DNAH14: variants seen among roughly 807,000 people sequenced by gnomAD.
The protein encoded by DNAH14 is dynein axonemal heavy chain 14.
Under a neutral mutation model 520.9 loss-of-function variants are expected in DNAH14, and 478 were observed. The observed-to-expected ratio is 0.92, with a 90% CI of 0.85 to 0.99. The LOEUF is 0.99. Ranked by LOEUF, DNAH14 falls within the 50% of genes least tolerant of loss-of-function variation. The pLI, the probability that DNAH14 is intolerant of heterozygous loss-of-function variation, is 0.00. For synonymous variants in DNAH14, 1,581 were observed against 1,757.2 expected (o/e 0.90, Z 2.51); for missense variants, 4,831 against 5,234.5 (o/e 0.92, Z 2.38).
At position 225,092,649 on chromosome 1, in the gene DNAH14, C is replaced by T. The variant is rs563118812; in HGVS notation, c.3574-4469C>T. On this transcript the variant is annotated intron_variant, in intron 21 of 85. Coordinates refer to ENST00000682510, the MANE Select transcript of DNAH14 (RefSeq NM_001367479.1). ...AAACAAGAGCAAACCAACCCCAAAG[C>T]GAGGAGAAGATAATAAATAACCAAA... Among the ~76,000 whole-genome samples the T allele has an allele frequency of 4.6e-5, 7 of 151,834 alleles. No homozygotes were observed. The South Asian group carries it at 8.3e-4, about 18-fold the overall frequency.
chr1:225,380,378 C>CT lies in DNAH14; in HGVS notation c.12880+57dup, dbSNP rs1417071679. On this transcript the variant is annotated intron_variant, in intron 80 of 85. Coordinates refer to ENST00000682510, the MANE Select transcript of DNAH14 (RefSeq NM_001367479.1). ...ACCTCACTCTCCTCAAGAAAGGACT[C>CT]TGGTGTCAGGAGTAAGGTAAAGATA... is the stretch of plus-strand genomic sequence containing the variant. 6 of 1,488,890 alleles carry CT rather than the reference C, an allele frequency of 4.0e-6. No individual in the cohort carries two copies. The Admixed American group carries it at 1.5e-4, about 37-fold the overall frequency. The allele number at this position is 1,488,890 out of a possible 1,614,324, so 92.2% of individuals were successfully genotyped here.
chr1:225,017,686 C>A (rs930065356), intron 10 of DNAH14, among the ~76,000 whole-genome samples: 1 of 152,256 alleles, frequency 6.6e-6, no homozygotes, highest in African/African-American at 2.4e-5. Context: ...TGCCTGCAGT[C>A]TGGGAGCACC....
intron 41 of DNAH14, among the ~76,000 whole-genome samples, chr1:225,214,758 C>G (rs1025656857): frequency 3.3e-5 from 5 of 152,134 alleles, no homozygotes; most frequent in Non-Finnish European, 5.9e-5. Context: ...GTGATATCCC[C>G]TTTGTCATTT....
intron 23 of DNAH14, among the ~76,000 whole-genome samples, chr1:225,112,546 C>T (rs1374487008): frequency 6.6e-6 from 1 of 152,098 alleles, no homozygotes; most frequent in Non-Finnish European, 1.5e-5. Flanking sequence ...TTATTCATTT[C>T]AACCCCTGTC....
At chr1:225,069,320 C>A (rs887377869) in intron 17 of DNAH14, among the ~76,000 whole-genome samples, 2 of 152,160 alleles carry the variant, frequency 1.3e-5, no homozygotes, top group Admixed American at 1.3e-4. Flanking sequence ...TTTGCCCATT[C>A]AGTATAATGT....
At chr1:225,067,627 G>A (rs1465761367) in intron 17 of DNAH14, among the ~76,000 whole-genome samples, 1 of 151,904 alleles carries the variant, frequency 6.6e-6, no homozygotes, top group South Asian at 2.1e-4. Flanking sequence ...CACCAGCATC[G>A]GTTATTTTTT....
chr1:225,180,083 G>T (rs894729179), intron 36 of DNAH14, among the ~76,000 whole-genome samples: 5 of 152,054 alleles, frequency 3.3e-5, no homozygotes, highest in African/African-American at 1.2e-4. Flanking sequence ...ATGCCTTGGG[G>T]TAGTCTTATT....
At chr1:225,358,317 G>A (rs761291534) in intron 73 of DNAH14, among the ~76,000 whole-genome samples, 179 bp from the exon 74 acceptor site, 3 of 152,196 alleles carry the variant, frequency 2.0e-5, no homozygotes, top group Non-Finnish European at 4.4e-5. Flanking sequence ...GATGGCCACA[G>A]GAACATGGTG....
chr1:225,066,869 A>G (rs2070952357), intron 17 of DNAH14, among the ~76,000 whole-genome samples: 1 of 152,102 alleles, frequency 6.6e-6, no homozygotes, highest in South Asian at 2.1e-4. Context: ...TGGTGTGTGT[A>G]TACCACATTT....
intron 41 of DNAH14, among the ~76,000 whole-genome samples, chr1:225,224,998 C>G (rs2090406614): frequency 6.6e-6 from 1 of 152,194 alleles, no homozygotes; most frequent in Admixed American, 6.5e-5. Flanking sequence ...TTGGACCCCA[C>G]AGCTCACTGC....
chr1:224,993,997 C>T (rs982270263), intron 8 of DNAH14, among the ~76,000 whole-genome samples: 2 of 151,892 alleles, frequency 1.3e-5, no homozygotes, highest in Admixed American at 1.3e-4. Context: ...ACCAAAAATT[C>T]CTCCTTTTAT....
rs1044940155 is a variant in DNAH14 at position 225,337,314 on chromosome 1, G to C, written c.10129G>C (p.Glu3377Gln). 2.6e-6 allele frequency: 4 copies of C among 1,551,772 alleles called. No homozygotes were observed. Among genetic ancestry groups the C allele is most frequent in the Admixed American group, 2.0e-5 (1 of 50,986 alleles). ...QGLPHGQYSV[E>Q]NAILIKNGQQ... The stretch of plus-strand genomic sequence containing the variant: ...ACTGCCTCATGGTCAGTATTCAGTA[G>C]AGAATGCCATCTTGATCAAGAATGG... The change falls in exon 67 of 86, where the codon GAG becomes CAG. Residue 3377 changes from glutamate to glutamine, a missense_variant. Glu to Gln is a conservative substitution (Grantham distance 29). Transcript: ENST00000682510.
chr1:225,170,235 C>T (rs1348754925), intron 36 of DNAH14, among the ~76,000 whole-genome samples: 2 of 152,258 alleles, frequency 1.3e-5, no homozygotes, highest in East Asian at 3.9e-4. Context: ...AACCAGGTAA[C>T]ATCATAATAA....
intron 42 of DNAH14, among the ~76,000 whole-genome samples, chr1:225,238,678 C>T (rs2091770309): frequency 6.6e-6 from 1 of 152,094 alleles, no homozygotes; most frequent in African/African-American, 2.4e-5. Flanking sequence ...CCCTTTCTTT[C>T]CCAGACCACC....
chr1:225,338,383 A>T, intron 68 of DNAH14: 1 of 724,082 alleles, frequency 1.4e-6, no homozygotes, highest in South Asian at 1.6e-5. Context: ...AAGTCACTCC[A>T]AACCAACACT....
At chr1:224,999,611 C>T (rs1244697417) in intron 8 of DNAH14, among the ~76,000 whole-genome samples, 1 of 151,980 alleles carries the variant, frequency 6.6e-6, no homozygotes, top group African/African-American at 2.4e-5. Context: ...AGTTGTAAGC[C>T]ATTTTTTTTA....
chr1:225,243,573 A>C (rs1325799882), intron 43 of DNAH14, among the ~76,000 whole-genome samples: 2 of 152,124 alleles, frequency 1.3e-5, no homozygotes, highest in Non-Finnish European at 2.9e-5. Flanking sequence ...AGATAAATGA[A>C]TGGCATCCAT....
chr1:225,181,556 TTTC>T (rs2083999845), intron 36 of DNAH14, among the ~76,000 whole-genome samples: 1 of 152,240 alleles, frequency 6.6e-6, no homozygotes, highest in Non-Finnish European at 1.5e-5. Context: ...GTGGTTTTCA[TTTC>T]TTTTCTCTGA....
At chr1:225,142,455 A>G (rs2079544831) in intron 28 of DNAH14, among the ~76,000 whole-genome samples, 1 of 152,250 alleles carries the variant, frequency 6.6e-6, no homozygotes, top group African/African-American at 2.4e-5. Flanking sequence ...ATCATGTTAC[A>G]TACCTTTCAG....
Sources: allele counts gnomAD v4.1 joint callset (sites outside exome capture counted in the v4.1 genomes callset), GRCh38; gene constraint gnomAD v4.1.1; transcripts MANE v1.5; gene names NCBI Gene and HGNC (gene_info 2026-07-23, HGNC 2026-07-21).